Variants in PLCB1 observed in about 807,000 individuals in gnomAD.
PLCB1 encodes 1-phosphatidylinositol 4,5-bisphosphate phosphodiesterase beta-1.
Under a neutral mutation model 161.8 loss-of-function variants are expected in PLCB1, and 46 were observed. The observed-to-expected ratio is 0.28, with a 90% CI of 0.22 to 0.36. The LOEUF (loss-of-function observed/expected upper bound fraction) is 0.36. PLCB1 is among the 10% of genes least tolerant of loss of function. The pLI, the probability that PLCB1 is intolerant of heterozygous loss-of-function variation, is 1.00. For synonymous variants in PLCB1, 517 were observed against 503.7 expected (o/e 1.03, Z -0.35); for missense variants, 1,016 against 1,472.5 (o/e 0.69, Z 5.07).
chr20:8,689,418 T>C (rs6056015), intron 10 of PLCB1, among the ~76,000 whole-genome samples: 100,029 of 151,922 alleles, frequency 0.66, 34,034 homozygotes, highest in South Asian at 0.78. Context: ...CCTTGTTTTG[T>C]TCCCGTTCTC....
At chr20:8,647,855 C>T (rs1989208945) in intron 5 of PLCB1, 45 bp from the exon 6 acceptor site, 2 of 1,518,250 alleles carry the variant, frequency 1.3e-6, no homozygotes, top group Non-Finnish European at 1.8e-6. Flanking sequence ...GAAAAAAAAG[C>T]TTTTTTAAAA....
rs1988060467 is a variant in PLCB1 at position 8,883,321 on chromosome 20, G to C, written c.*1472G>C. On this transcript the variant is annotated 3_prime_UTR_variant, in exon 32 of 32. Coordinates refer to ENST00000338037, the MANE Select transcript of PLCB1 (RefSeq NM_015192.4). ...AATTCACTTAACTCTGTCTTTATAAGTTCCTATTTTAGATGGAATAAGAGA... is the reference window on the plus strand; with the variant it reads ...AATTCACTTAACTCTGTCTTTATAACTTCCTATTTTAGATGGAATAAGAGA... 6.6e-6 allele frequency: 1 copy of C among 151,898 alleles called. No homozygotes were observed. Among genetic ancestry groups the C allele is most frequent in the Non-Finnish European group, 1.5e-5 (1 of 67,950 alleles). The allele number at this position is 151,898 out of a possible 1,614,324, so 9.4% of individuals were successfully genotyped here. A position where few individuals can be genotyped will look rare whatever the true frequency, so the allele number is the denominator to read the frequency against.
intron 3 of PLCB1, among the ~76,000 whole-genome samples, chr20:8,449,880 C>G (rs1209505208): frequency 1.3e-5 from 2 of 152,178 alleles, no homozygotes; most frequent in African/African-American, 4.8e-5. Flanking sequence ...TATGTAGTTA[C>G]AGGCATAATC....
intron 27 of PLCB1, among the ~76,000 whole-genome samples, chr20:8,777,536 T>C (rs1276855362): frequency 6.6e-6 from 1 of 151,900 alleles, no homozygotes; most frequent in African/African-American, 2.4e-5. Context: ...CTGGGAAACA[T>C]AGTGAAACCC....
chr20:8,870,819 C>G (rs1987583716), intron 31 of PLCB1, among the ~76,000 whole-genome samples: 1 of 152,142 alleles, frequency 6.6e-6, no homozygotes, highest in Admixed American at 6.5e-5. Context: ...GATATGAGAT[C>G]TACAAAAGAA....
intron 2 of PLCB1, among the ~76,000 whole-genome samples, chr20:8,364,081 C>T (rs887626628): frequency 3.3e-5 from 5 of 151,782 alleles, no homozygotes; most frequent in Admixed American, 6.6e-5. Flanking sequence ...TTATTTGTAC[C>T]GAGCAGACTC....
intron 2 of PLCB1, among the ~76,000 whole-genome samples, chr20:8,179,901 C>T (rs1439111128): frequency 1.6e-5 from 2 of 123,034 alleles, no homozygotes; most frequent in East Asian, 2.3e-4. Flanking sequence ...CTCTGTCGCC[C>T]AGGCTGGAGT....
intron 3 of PLCB1, among the ~76,000 whole-genome samples, chr20:8,448,803 G>A (rs561775986): frequency 6.6e-6 from 1 of 152,284 alleles, no homozygotes; most frequent in South Asian, 2.1e-4. Flanking sequence ...AAAAGTAAAG[G>A]ATTGCATCCC....
chr20:8,587,120 G>A (rs951695642), intron 3 of PLCB1, among the ~76,000 whole-genome samples: 5 of 151,902 alleles, frequency 3.3e-5, no homozygotes, highest in African/African-American at 1.2e-4. Context: ...AAAATTGTAA[G>A]GGCAAAAATG....
At chr20:8,523,496 C>CTCTCTCTCTCTCTCTCTCTCTCTCTATA in intron 3 of PLCB1, among the ~76,000 whole-genome samples, 3 of 51,650 alleles carry the variant, frequency 5.8e-5, no homozygotes, top group Admixed American at 2.4e-4. Context: ...CTCTCTCTCT[C>CTCTCTCTCTCTCTCTCTCTCTCTCTATA]TATATATATA....
rs893527287 is a variant in PLCB1 at position 8,565,684 on chromosome 20, A to G, written c.247-62610A>G. Among the ~76,000 whole-genome samples the G allele has an allele frequency of 9.2e-5, 14 of 152,188 alleles. No individual in the cohort carries two copies. The South Asian group carries it at 2.7e-3, about 29-fold the overall frequency. On this transcript the variant is annotated intron_variant, in intron 3 of 31. Transcript: ENST00000338037. The stretch of plus-strand genomic sequence containing the variant: ...GCTAGAAGACTGGAGTAGCCATGTG[A>G]CTAATTCTGACTAATGTGGTGTAAG...
intron 3 of PLCB1, among the ~76,000 whole-genome samples, chr20:8,556,721 G>A (rs1600150816): frequency 6.7e-6 from 1 of 150,112 alleles, no homozygotes; most frequent in Non-Finnish European, 1.5e-5. Context: ...GGCATTTAGG[G>A]AAATCTGCCA....
intron 20 of PLCB1, 102 bp downstream of exon 20, chr20:8,737,294 T>A: frequency 1.0e-6 from 1 of 997,266 alleles, no homozygotes; most frequent in Non-Finnish European, 1.5e-6. Context: ...AATTTGAAAA[T>A]TTACACACTT....
chr20:8,764,774 A>G (rs1982226120), intron 25 of PLCB1, among the ~76,000 whole-genome samples: 2 of 152,112 alleles, frequency 1.3e-5, no homozygotes, highest in South Asian at 4.1e-4. Flanking sequence ...CATCCTTCTG[A>G]GACCACACCC....
At chr20:8,523,508 A>C (rs1387431063) in intron 3 of PLCB1, among the ~76,000 whole-genome samples, 12 of 108,022 alleles carry the variant, frequency 1.1e-4, no homozygotes, top group South Asian at 2.7e-4. Flanking sequence ...ATATATATAT[A>C]TATATATATA....
chr20:8,741,021 G>A (rs1475869643), intron 22 of PLCB1, among the ~76,000 whole-genome samples: 1 of 152,178 alleles, frequency 6.6e-6, no homozygotes, highest in Non-Finnish European at 1.5e-5. Flanking sequence ...CAACAGTCCG[G>A]AAAGCAGGCT....
chr20:8,784,549 C>T (rs1443611555), intron 27 of PLCB1, among the ~76,000 whole-genome samples: 2 of 117,832 alleles, frequency 1.7e-5, no homozygotes, highest in Non-Finnish European at 3.5e-5. Context: ...GGCAATAGAG[C>T]GACACTGTAT....
At chr20:8,179,801 T>C (rs2051819357) in intron 2 of PLCB1, among the ~76,000 whole-genome samples, 1 of 151,694 alleles carries the variant, frequency 6.6e-6, no homozygotes, top group Admixed American at 6.6e-5. Flanking sequence ...TAGATGGCTC[T>C]TATTATTTTG....
chr20:8,357,808 C>T (rs529359145), intron 2 of PLCB1, among the ~76,000 whole-genome samples: 1 of 152,146 alleles, frequency 6.6e-6, no homozygotes, highest in Non-Finnish European at 1.5e-5. Context: ...TAGTTCATCG[C>T]CCAATTTAAT....
Sources: gnomAD v4.1 joint callset for allele counts (sites outside exome capture counted in the v4.1 genomes callset) on GRCh38, gnomAD v4.1.1 for gene constraint, MANE v1.5 for transcripts, NCBI Gene and HGNC (gene_info 2026-07-23, HGNC 2026-07-21) for gene names.